The following SMYD3 variants were observed in gnomAD, a reference collection of about 807,000 sequenced individuals.
SMYD3 encodes SET and MYND domain containing 3, also known as histone-lysine N-methyltransferase SMYD3.
Under a neutral mutation model 57.7 loss-of-function variants are expected in SMYD3, and 36 were observed. That is an observed-to-expected ratio of 0.62 (90% CI 0.48 to 0.82). SMYD3 has a LOEUF of 0.82. SMYD3 is among the 40% of genes least tolerant of loss of function. The probability of loss-of-function intolerance (pLI) is 0.00; values close to 1 mark genes in which losing one functional copy is unlikely to be tolerated. For synonymous variants in SMYD3, 211 were observed against 195.0 expected (o/e 1.08, Z -0.68); for missense variants, 515 against 538.8 (o/e 0.96, Z 0.44).
At chr1:246,398,408 A>G (rs2066711977) in intron 1 of SMYD3, among the ~76,000 whole-genome samples, 3 of 152,264 alleles carry the variant, frequency 2.0e-5, no homozygotes, top group African/African-American at 7.2e-5. Flanking sequence ...GGAGTCAGCC[A>G]TGCTGGACTT....
intron 5 of SMYD3, among the ~76,000 whole-genome samples, chr1:246,174,900 ATC>A (rs1288518190): frequency 2.6e-5 from 4 of 152,180 alleles, no homozygotes; most frequent in African/African-American, 4.8e-5. Context: ...CAGTCGATGA[ATC>A]TCTGCTGCTT....
At chr1:246,359,706 G>T (rs2065959265) in intron 1 of SMYD3, among the ~76,000 whole-genome samples, 1 of 152,016 alleles carries the variant, frequency 6.6e-6, no homozygotes, top group East Asian at 1.9e-4. Flanking sequence ...TTAAAAACAA[G>T]AATCACATGA....
intron 10 of SMYD3, among the ~76,000 whole-genome samples, chr1:245,822,281 G>C (rs1375668980): frequency 1.3e-5 from 2 of 150,664 alleles, no homozygotes; most frequent in East Asian, 3.9e-4. Flanking sequence ...ATCATTCTCA[G>C]TAAACTATCG....
At chr1:246,057,998 T>C (rs1370308403) in intron 5 of SMYD3, among the ~76,000 whole-genome samples, 1 of 152,076 alleles carries the variant, frequency 6.6e-6, no homozygotes, top group Non-Finnish European at 1.5e-5. Flanking sequence ...AAGAAGGCAG[T>C]GTGAAAAGGC....
intron 1 of SMYD3, among the ~76,000 whole-genome samples, chr1:246,448,286 C>T (rs2067577228): frequency 6.6e-6 from 1 of 152,198 alleles, no homozygotes; most frequent in Admixed American, 6.5e-5. Context: ...TTCTGGAGAC[C>T]ACGCTTTGAG....
chr1:245,990,636 T>C (rs2058794874), intron 5 of SMYD3, among the ~76,000 whole-genome samples: 1 of 152,194 alleles, frequency 6.6e-6, no homozygotes, highest in Non-Finnish European at 1.5e-5. Flanking sequence ...ACAGGAATCA[T>C]CTTGGTCTGA....
intron 5 of SMYD3, among the ~76,000 whole-genome samples, chr1:245,963,534 T>G (rs200316807): frequency 7.7e-6 from 1 of 129,864 alleles, no homozygotes; most frequent in Middle Eastern, 3.7e-3. Flanking sequence ...CTTTTGTGAG[T>G]TTTTTTTTTT....
At chr1:246,056,445 T>C (rs1344419650) in intron 5 of SMYD3, among the ~76,000 whole-genome samples, 1 of 152,028 alleles carries the variant, frequency 6.6e-6, no homozygotes, top group Admixed American at 6.5e-5. Flanking sequence ...GGAAACTATA[T>C]GAAGTTTGGT....
intron 5 of SMYD3, among the ~76,000 whole-genome samples, chr1:246,081,932 G>A (rs191040119): frequency 6.6e-6 from 1 of 152,302 alleles, no homozygotes; most frequent in African/African-American, 2.4e-5. Context: ...TTTCTTTCAA[G>A]TTAGCCTAAA....
rs116519687 is a variant in SMYD3, at chr1:245,789,807, T to C, written c.1077-25658A>G. Among the ~76,000 whole-genome samples the C allele has an allele frequency of 6.2e-3, 949 of 152,378 alleles. 8 individuals carry two copies. Among genetic ancestry groups the C allele is most frequent in the African/African-American group, 0.022 (904 of 41,584 alleles). ...CTGCTCAGGCTTTGTACTTTCTAGCTGGCAATTATAGCTCCTTACATACTA... is the reference window on the plus strand; with the variant it reads ...CTGCTCAGGCTTTGTACTTTCTAGCCGGCAATTATAGCTCCTTACATACTA... On this transcript the variant is annotated intron_variant, in intron 10 of 11. Coordinates refer to ENST00000490107, the MANE Select transcript of SMYD3 (RefSeq NM_001167740.2).
intron 5 of SMYD3, among the ~76,000 whole-genome samples, chr1:245,938,368 G>T (rs1482981292): frequency 6.6e-6 from 1 of 152,198 alleles, no homozygotes; most frequent in Non-Finnish European, 1.5e-5. Context: ...GCCCAAGCAT[G>T]CCTGATCCCT....
At chr1:246,239,534 A>G (rs2063569050) in intron 5 of SMYD3, among the ~76,000 whole-genome samples, 1 of 152,248 alleles carries the variant, frequency 6.6e-6, no homozygotes, top group Non-Finnish European at 1.5e-5. Context: ...TATTGTGAAT[A>G]CTGCCGCAAT....
intron 1 of SMYD3, among the ~76,000 whole-genome samples, chr1:246,445,184 A>T (rs1558468747): frequency 6.6e-6 from 1 of 152,208 alleles, no homozygotes; most frequent in Non-Finnish European, 1.5e-5. Flanking sequence ...CAACATTAGG[A>T]GGGAGAGTTT....
At chr1:246,405,234 G>T (rs562410107) in intron 1 of SMYD3, among the ~76,000 whole-genome samples, 2 of 152,268 alleles carry the variant, frequency 1.3e-5, no homozygotes, top group East Asian at 3.9e-4. Context: ...TTACAGGGAT[G>T]AGCCACCATG....
In SMYD3 at chr1:246,197,893, A is replaced by G. The variant is rs183440852; in HGVS notation, c.531+129308T>C. Among the ~76,000 whole-genome samples the G allele has an allele frequency of 7.2e-5, 11 of 152,352 alleles. No individual in the cohort carries two copies. In the East Asian group the frequency reaches 2.1e-3, roughly 29 times the overall value. ...ATTTAAAGTCTATTTAAAAAATTTA[A>G]ACAGTCTTTCCAATACTAAATCATA... On this transcript the variant is annotated intron_variant, in intron 5 of 11. Coordinates refer to ENST00000490107, the MANE Select transcript of SMYD3 (RefSeq NM_001167740.2).
At chr1:246,334,792 A>G (rs1005410664) in intron 3 of SMYD3, among the ~76,000 whole-genome samples, 3 of 152,176 alleles carry the variant, frequency 2.0e-5, no homozygotes, top group African/African-American at 7.2e-5. Context: ...AAATTAACTG[A>G]TTTTCTGCAA....
At chr1:245,781,572 A>C (rs531152191) in intron 10 of SMYD3, among the ~76,000 whole-genome samples, 19 of 152,334 alleles carry the variant, frequency 1.2e-4, no homozygotes, top group African/African-American at 4.1e-4. Context: ...ATCCTCTCTT[A>C]TTAGCACACC....
chr1:245,914,114 G>T (rs1338905845), intron 8 of SMYD3, among the ~76,000 whole-genome samples: 1 of 152,100 alleles, frequency 6.6e-6, no homozygotes, highest in East Asian at 1.9e-4. Flanking sequence ...GAGGTGAAAG[G>T]CCTCTACAAT....
At chr1:246,003,778 AAACACTAAT>A (rs1411386400) in intron 5 of SMYD3, among the ~76,000 whole-genome samples, 4 of 152,256 alleles carry the variant, frequency 2.6e-5, no homozygotes, top group Admixed American at 2.0e-4. Flanking sequence ...TCTAGTCATT[AAACACTAAT>A]ATTTACTTTG....
Sources: gnomAD v4.1 joint callset for allele counts (sites outside exome capture counted in the v4.1 genomes callset) on GRCh38, gnomAD v4.1.1 for gene constraint, MANE v1.5 for transcripts, NCBI Gene and HGNC (gene_info 2026-07-23, HGNC 2026-07-21) for gene names.